The following HYDIN variants were observed in gnomAD, a reference collection of about 807,000 sequenced individuals.
The protein encoded by HYDIN is HYDIN axonemal central pair apparatus protein.
In HYDIN, 132 loss-of-function variants were observed where a neutral mutation model predicts 403.9. That is an observed-to-expected ratio of 0.33 (90% CI 0.28 to 0.38). The LOEUF is 0.38. HYDIN is among the 10% of genes least tolerant of loss of function. The pLI, the probability that HYDIN is intolerant of heterozygous loss-of-function variation, is 1.00. For synonymous variants in HYDIN, 1,202 were observed against 1,891.7 expected (o/e 0.64, Z 9.46); for missense variants, 2,827 against 5,009.5 (o/e 0.56, Z 13.15).
In HYDIN at chr16:70,837,868, T is replaced by C. The variant is rs1298385702; in HGVS notation, c.13064A>G (p.Asn4355Ser). The change falls in exon 77 of 86, where the codon AAC (asparagine) becomes AGC (serine). Residue 4355 changes from asparagine (N) to serine (S), a missense_variant. Physicochemically the swap from Asn to Ser is conservative, Grantham distance 46. Coordinates refer to ENST00000393567, the MANE Select transcript of HYDIN (RefSeq NM_001270974.2). ...GGAGTTCACCTCGAGGTGAGTGGTGTTGGTGTACAGACAATCTATGCTGCA... is the reference window on the plus strand; with the variant it reads ...GGAGTTCACCTCGAGGTGAGTGGTGCTGGTGTACAGACAATCTATGCTGCA... ...TPMSIDCLYT[N>S]TTHLEVNSRV... 3.1e-6 allele frequency: 5 copies of C among 1,613,832 alleles called. No homozygotes were observed. The highest frequency in any genetic ancestry group is 4.2e-6 in the Non-Finnish European group (5 of 1,179,812).
intron 3 of HYDIN, among the ~76,000 whole-genome samples, chr16:71,184,184 C>G (rs2087028158): frequency 6.6e-6 from 1 of 152,100 alleles, no homozygotes; most frequent in African/African-American, 2.4e-5. Context: ...TTGAAAAACT[C>G]TCAGGAATTT....
chr16:71,199,314 T>C (rs2087866185), intron 1 of HYDIN, among the ~76,000 whole-genome samples: 3 of 152,260 alleles, frequency 2.0e-5, no homozygotes, highest in African/African-American at 7.2e-5. Flanking sequence ...TTCATGGGCC[T>C]ACTTCCAGTT....
intron 10 of HYDIN, among the ~76,000 whole-genome samples, chr16:71,100,545 G>C (rs1475835554): frequency 6.6e-6 from 1 of 152,168 alleles, no homozygotes; most frequent in Non-Finnish European, 1.5e-5. Context: ...GGCAGAAAGT[G>C]CAAAATGACA....
intron 7 of HYDIN, among the ~76,000 whole-genome samples, chr16:71,137,972 G>A (rs1189092875): frequency 2.0e-5 from 3 of 151,168 alleles, no homozygotes; most frequent in Non-Finnish European, 4.4e-5. Context: ...CTGGATAGTG[G>A]CCACATAAAA....
chr16:70,862,904 G>A (rs1441128708), intron 68 of HYDIN, among the ~76,000 whole-genome samples, 181 bp downstream of exon 68: 5 of 152,068 alleles, frequency 3.3e-5, no homozygotes, highest in Non-Finnish European at 5.9e-5. Flanking sequence ...CTCCAGGAGG[G>A]TGGAGGTAAG....
intron 1 of HYDIN, among the ~76,000 whole-genome samples, chr16:71,189,551 C>T (rs530693416): frequency 5.3e-5 from 8 of 151,894 alleles, no homozygotes; most frequent in African/African-American, 9.7e-5. Context: ...GCGGATCACG[C>T]GGTCAGGAGA....
chr16:70,926,617 A>T (rs963314785), intron 45 of HYDIN, among the ~76,000 whole-genome samples: 19 of 151,862 alleles, frequency 1.3e-4, no homozygotes, highest in Non-Finnish European at 2.1e-4. Context: ...ATAATAATAA[A>T]AAAAAAATAC....
intron 45 of HYDIN, among the ~76,000 whole-genome samples, chr16:70,923,506 T>TA (rs1446014690): frequency 9.4e-6 from 1 of 105,906 alleles, no homozygotes; most frequent in Non-Finnish European, 2.0e-5. Context: ...AGGATATTAT[T>TA]AAAAAATAAG....
At chr16:70,914,312 G>A (rs1184689672) in intron 47 of HYDIN, among the ~76,000 whole-genome samples, 1 of 152,144 alleles carries the variant, frequency 6.6e-6, no homozygotes, top group African/African-American at 2.4e-5. Context: ...CCTTTTAGCA[G>A]TTCTTATAAT....
intron 79 of HYDIN, 127 bp from the exon 80 acceptor site, chr16:70,833,194 G>A: frequency 1.3e-6 from 1 of 786,054 alleles, no homozygotes; most frequent in Non-Finnish European, 1.9e-6. Flanking sequence ...TAGCACCTAG[G>A]AGGAGAAAGA....
In HYDIN at chr16:70,992,066, T is replaced by C. The variant is rs1443812662; in HGVS notation, c.3785+4A>G. 6 of 1,613,694 alleles carry C rather than the reference T, an allele frequency of 3.7e-6. No homozygotes were observed. In the Admixed American group the frequency reaches 5.0e-5, roughly 13 times the overall value. ...CAAATAATCTATGTTGGCTTTGCAC[T>C]TACTTAACAAAATCATTTAAATCCA... On this transcript the variant is annotated splice_donor_region_variant and intron_variant, in intron 24 of 85. Coordinates refer to ENST00000393567, the MANE Select transcript of HYDIN (RefSeq NM_001270974.2).
intron 18 of HYDIN, among the ~76,000 whole-genome samples, chr16:71,053,719 G>C: frequency 8.1e-6 from 1 of 123,416 alleles, no homozygotes; most frequent in South Asian, 2.7e-4. Flanking sequence ...TATGGGCAGA[G>C]AGAAAGGACA....
chr16:70,861,964 G>A (rs2039441550), intron 69 of HYDIN, 84 bp downstream of exon 69: 1 of 1,291,004 alleles, frequency 7.7e-7, no homozygotes, highest in South Asian at 1.5e-5. Context: ...AAGGATGGTG[G>A]CAGTGGTTGG....
At chr16:70,904,868 C>T (rs1292861518) in intron 50 of HYDIN, among the ~76,000 whole-genome samples, 1 of 151,370 alleles carries the variant, frequency 6.6e-6, no homozygotes, top group Non-Finnish European at 1.5e-5. Context: ...TTCTCCCAAA[C>T]CCTCAGAGAA....
chr16:71,190,251 T>C (rs2087365137), intron 1 of HYDIN, among the ~76,000 whole-genome samples: 1 of 151,258 alleles, frequency 6.6e-6, no homozygotes, highest in Non-Finnish European at 1.5e-5. Context: ...TCTCATACCA[T>C]AAAACAAGAA....
intron 55 of HYDIN, 65 bp downstream of exon 55, chr16:70,894,384 A>G (rs1597246596): frequency 1.9e-6 from 3 of 1,607,140 alleles, no homozygotes; most frequent in Middle Eastern, 1.7e-4. Flanking sequence ...ACACGATCTC[A>G]TATTTCCCCA....
chr16:71,175,880 T>C (rs968194206), intron 4 of HYDIN, 139 bp from the exon 5 acceptor site: 3 of 779,546 alleles, frequency 3.8e-6, no homozygotes, highest in Non-Finnish European at 6.7e-6. Flanking sequence ...TAAAAGGAGA[T>C]GATAGTACTT....
chr16:70,948,027 G>A (rs1292793323), intron 41 of HYDIN, among the ~76,000 whole-genome samples: 1 of 151,348 alleles, frequency 6.6e-6, no homozygotes, highest in Admixed American at 6.6e-5. Context: ...GAACAAAGCT[G>A]GAGGCATCAT....
At position 70,863,127 on chromosome 16, in the gene HYDIN, C is replaced by A; in HGVS notation, c.11527G>T (p.Asp3843Tyr). Reference sequence around the variant, plus strand: ...GCAAAGCTGACTGCCTTTGAGGTATCTTCTGAGACCCAGCTGAATTCCAGC... The same window carrying A: ...GCAAAGCTGACTGCCTTTGAGGTATATTCTGAGACCCAGCTGAATTCCAGC... ...VQLEFSWVSE[D>Y]TSKAVSFAKP... is the part of the protein sequence containing the mutation. Residue 3843 changes from aspartate (D) to tyrosine (Y), a missense_variant, in exon 68 of 86, where the codon GAT becomes TAT. By Grantham distance (160) the Asp-to-Tyr change is radical. Coordinates refer to ENST00000393567, the MANE Select transcript of HYDIN (RefSeq NM_001270974.2). 1 of 1,614,132 alleles carries A rather than the reference C, an allele frequency of 6.2e-7. No homozygotes were observed. Among genetic ancestry groups the A allele is most frequent in the South Asian group, 1.1e-5 (1 of 91,080 alleles).
Sources: gnomAD v4.1 joint callset for allele counts (sites outside exome capture counted in the v4.1 genomes callset) on GRCh38, gnomAD v4.1.1 for gene constraint, MANE v1.5 for transcripts, NCBI Gene and HGNC (gene_info 2026-07-23, HGNC 2026-07-21) for gene names.